The following PLAC1 variants were observed in gnomAD, a reference collection of about 807,000 sequenced individuals.
The protein encoded by PLAC1 is placenta associated 1.
For synonymous variants in PLAC1, 68 were observed against 62.1 expected, an observed-to-expected ratio of 1.09 and a Z score of -0.44; for missense variants, 136 against 163.2, an observed-to-expected ratio of 0.83 and a Z score of 0.91.
At chrX:134,578,337 C>A (rs769234243) in intron 2 of PLAC1, among the ~76,000 whole-genome samples, 8 of 101,591 alleles carry the variant, frequency 7.9e-5, no homozygotes, top group Admixed American at 7.6e-4. Context: ...GGCGTGAACC[C>A]GGGAGGCAGA....
At chrX:134,578,196 A>G (rs914734717) in intron 2 of PLAC1, among the ~76,000 whole-genome samples, 9 of 110,837 alleles carry the variant, frequency 8.1e-5, no homozygotes, top group African/African-American at 2.9e-4. Flanking sequence ...GGCGGATCAC[A>G]AGGTCAGGAG....
intron 1 of PLAC1, among the ~76,000 whole-genome samples, chrX:134,756,981 A>G (rs1386137234): frequency 8.9e-6 from 1 of 112,497 alleles, no homozygotes; most frequent in Non-Finnish European, 1.9e-5. Flanking sequence ...ATTTTAAAAA[A>G]GAATTTGAAG....
chrX:134,653,032 C>T lies in PLAC1; in HGVS notation c.-131+5296G>A, dbSNP rs777491650. ...AAATTCAAAGCACATGCACTCAGCA[C>T]AGTCATGGTAATAATAGTGGTAAGG... On this transcript the variant is annotated intron_variant, in intron 1 of 2. Transcript: ENST00000359237. Among the ~76,000 whole-genome samples, 13 of 112,522 alleles carry T rather than the reference C, an allele frequency of 1.2e-4. No homozygotes were observed. The East Asian group carries it at 2.8e-3, about 24-fold the overall frequency.
chrX:134,682,512 C>T (rs955524633), intron 2 of PLAC1, among the ~76,000 whole-genome samples: 3 of 110,425 alleles, frequency 2.7e-5, no homozygotes, highest in African/African-American at 9.9e-5. Context: ...TTATTGGATC[C>T]TGGTCTTGCC....
intron 1 of PLAC1, among the ~76,000 whole-genome samples, chrX:134,656,534 G>T (rs1183746518): frequency 9.0e-6 from 1 of 111,710 alleles, no homozygotes; most frequent in Non-Finnish European, 1.9e-5. Flanking sequence ...CTATAGGGAA[G>T]AATTTAGCAG....
At chrX:134,645,807 T>C (rs1396851048) in intron 1 of PLAC1, among the ~76,000 whole-genome samples, 1 of 112,111 alleles carries the variant, frequency 8.9e-6, no homozygotes. Context: ...CGTGAGTTTT[T>C]AGGCCCAGGA....
intron 1 of PLAC1, among the ~76,000 whole-genome samples, chrX:134,631,738 G>A (rs772992891): frequency 9.0e-6 from 1 of 111,712 alleles, no homozygotes; most frequent in African/African-American, 3.3e-5. Context: ...ACTCAGCAGG[G>A]ACCATTCATT....
At position 134,585,175 on chromosome X, in the gene PLAC1, CAA is replaced by C. The variant is rs56343935; in HGVS notation, c.-59+16874_-59+16875del. The stretch of plus-strand genomic sequence containing the variant: ...TGAAACCCTGTCTCCACTAAAAGTA[CAA>C]AAAAAAAAAAAAAAAAAAAAAAGCC... On this transcript the variant is annotated intron_variant, in intron 2 of 2. Transcript: ENST00000359237. Among the ~76,000 whole-genome samples, 194 of 33,489 alleles carry C rather than the reference CAA, an allele frequency of 5.8e-3. 2 individuals are homozygous for C. Among genetic ancestry groups the C allele is most frequent in the South Asian group, 0.024 (5 of 207 alleles). The allele number at this position is 33,489 out of a possible 115,157, so 29.1% of individuals were successfully genotyped here. A position where few individuals can be genotyped will look rare whatever the true frequency, so the allele number is the denominator to read the frequency against.
At chrX:134,623,875 A>C (rs1418539371) in intron 1 of PLAC1, among the ~76,000 whole-genome samples, 2 of 112,048 alleles carry the variant, frequency 1.8e-5, no homozygotes, top group African/African-American at 6.5e-5. Flanking sequence ...TCCTTTTAAA[A>C]GGGAAACACA....
At chrX:134,748,037 G>T (rs1368816452) in intron 1 of PLAC1, among the ~76,000 whole-genome samples, 1 of 112,207 alleles carries the variant, frequency 8.9e-6, no homozygotes, top group Non-Finnish European at 1.9e-5. Flanking sequence ...TGTTTTTAAA[G>T]ATACAGGTTC....
At chrX:134,568,912 T>C (rs16993085) in intron 2 of PLAC1, among the ~76,000 whole-genome samples, 4,664 of 110,906 alleles carry the variant, frequency 0.042, 226 homozygotes, top group African/African-American at 0.14. Context: ...CCACCTTGTC[T>C]TAAATGTGCT....
intron 2 of PLAC1, among the ~76,000 whole-genome samples, chrX:134,577,174 T>C (rs753753533): frequency 5.4e-5 from 6 of 111,969 alleles, no homozygotes; most frequent in Admixed American, 9.5e-5. Context: ...TTAAAAGTGG[T>C]ATTGGTGCTG....
intron 2 of PLAC1, among the ~76,000 whole-genome samples, chrX:134,575,768 CA>C (rs779874830): frequency 0.29 from 16,553 of 56,223 alleles, 1,588 homozygotes; most frequent in East Asian, 0.41. Context: ...GACTCCGTCT[CA>C]AAAAAAAAAA....
At chrX:134,761,656 A>T (rs1346431272) in intron 1 of PLAC1, among the ~76,000 whole-genome samples, 2 of 111,917 alleles carry the variant, frequency 1.8e-5, no homozygotes, top group Non-Finnish European at 3.8e-5. Flanking sequence ...TAAGAGGAAA[A>T]CTGACTTTTC....
At chrX:134,680,545 GAACTAAACTAAACTAAACTAAACTA>G (rs560733130) in intron 2 of PLAC1, among the ~76,000 whole-genome samples, 2 of 49,662 alleles carry the variant, frequency 4.0e-5, no homozygotes, top group African/African-American at 1.0e-4. Context: ...AAACTAAACT[GAACTAAACTAAACTAAACTAAACTA>G]AACTAAACTA....
chrX:134,655,542 C>T (rs910675382), intron 1 of PLAC1, among the ~76,000 whole-genome samples: 4 of 111,546 alleles, frequency 3.6e-5, no homozygotes, highest in Admixed American at 9.6e-5. Context: ...CCCAATATTC[C>T]CCAAATGTCT....
intron 1 of PLAC1, among the ~76,000 whole-genome samples, chrX:134,763,752 C>T (rs1216432185): frequency 1.2e-4 from 13 of 106,565 alleles, no homozygotes; most frequent in African/African-American, 4.5e-4. Flanking sequence ...ACCCGGGAGG[C>T]GGAGGTTGCA....
intron 1 of PLAC1, among the ~76,000 whole-genome samples, chrX:134,748,722 G>C (rs2078734601): frequency 9.0e-6 from 1 of 111,617 alleles, no homozygotes; most frequent in Non-Finnish European, 1.9e-5. Context: ...GGGTTTAAAT[G>C]GGGGGAACGT....
intron 2 of PLAC1, among the ~76,000 whole-genome samples, chrX:134,690,294 A>G (rs1569405374): frequency 8.9e-6 from 1 of 112,489 alleles, no homozygotes; most frequent in Non-Finnish European, 1.9e-5. Flanking sequence ...TAATTAAAAT[A>G]TGAAGTTTGT....
Sources: allele counts gnomAD v4.1 joint callset (sites outside exome capture counted in the v4.1 genomes callset), GRCh38; gene constraint gnomAD v4.1.1; transcripts MANE v1.5; gene names NCBI Gene and HGNC (gene_info 2026-07-23, HGNC 2026-07-21).